Variants in ZNF583 observed in about 807,000 individuals in gnomAD.
The protein encoded by ZNF583 is zinc finger protein L3-5.
ZNF583 carries 30 observed loss-of-function variants against 55.3 expected under a neutral mutation model. The observed-to-expected ratio is 0.54, with a 90% CI of 0.41 to 0.74. ZNF583 has a LOEUF of 0.74. ZNF583 is among the 30% of genes least tolerant of loss of function. The pLI, the probability that ZNF583 is intolerant of heterozygous loss-of-function variation, is 0.00. For missense variants in ZNF583, 504 were observed against 664.7 expected, an observed-to-expected ratio of 0.76 and a Z score of 2.66; for synonymous variants, 208 against 220.0, an observed-to-expected ratio of 0.95 and a Z score of 0.48.
intron 4 of ZNF583, among the ~76,000 whole-genome samples, chr19:56,416,341 A>C (rs1186809488): frequency 6.6e-6 from 1 of 151,658 alleles, no homozygotes; most frequent in Non-Finnish European, 1.5e-5. Context: ...AAAAAAAAAA[A>C]AGAATACATT....
chr19:56,423,341 C>T lies in ZNF583; in HGVS notation c.683C>T (p.Thr228Ile). The T allele has an allele frequency of 6.2e-7, 1 of 1,613,956 alleles. No homozygotes were observed. Among genetic ancestry groups the T allele is most frequent in the Non-Finnish European group, 8.5e-7 (1 of 1,179,968 alleles). Residue 228 changes from threonine to isoleucine, a missense_variant, in exon 5 of 5, where the codon ACT (threonine) becomes ATT (isoleucine). Transcript: ENST00000333201. The stretch of plus-strand genomic sequence containing the variant: ...GTCTTCAACCAGAGCTCATCCCTTA[C>T]TCTTCATCAGAGAATTCATACTGGA... The part of the protein sequence containing the change: ...EKVFNQSSSL[T>I]LHQRIHTGEK...
chr19:56,421,263 T>C (rs547240110), intron 4 of ZNF583, among the ~76,000 whole-genome samples: 317 of 152,372 alleles, frequency 2.1e-3, no homozygotes, highest in African/African-American at 6.2e-3. Flanking sequence ...TTATAATATC[T>C]ATCCTTAACT....
intron 4 of ZNF583, among the ~76,000 whole-genome samples, chr19:56,418,478 T>C (rs1167397095): frequency 1.3e-5 from 2 of 152,224 alleles, no homozygotes; most frequent in Non-Finnish European, 2.9e-5. Flanking sequence ...AGTGGTACTC[T>C]GTTAAATTTT....
At chr19:56,417,774 A>G (rs567201011) in intron 4 of ZNF583, among the ~76,000 whole-genome samples, 5 of 152,286 alleles carry the variant, frequency 3.3e-5, no homozygotes, top group South Asian at 2.1e-4. Flanking sequence ...AGGTTTTAGC[A>G]TTTATATTTA....
intron 4 of ZNF583, chr19:56,421,496 A>C (rs2042415478): frequency 1.0e-6 from 1 of 985,280 alleles, no homozygotes; most frequent in African/African-American, 1.7e-5. Flanking sequence ...GCACTGAGGC[A>C]GCACAGCGGA....
chr19:56,413,859 A>G, intron 2 of ZNF583, 100 bp from the exon 3 acceptor site: 2 of 1,537,626 alleles, frequency 1.3e-6, no homozygotes, highest in Non-Finnish European at 1.8e-6. Flanking sequence ...TGCTATGTGC[A>G]ATATTTTTCT....
intron 4 of ZNF583, among the ~76,000 whole-genome samples, chr19:56,419,691 C>G (rs1693550238): frequency 6.6e-6 from 1 of 152,142 alleles, no homozygotes; most frequent in Non-Finnish European, 1.5e-5. Flanking sequence ...TACATAACAG[C>G]TTTAATGGAT....
intron 2 of ZNF583, among the ~76,000 whole-genome samples, chr19:56,409,211 C>A (rs911577822): frequency 1.3e-5 from 2 of 152,090 alleles, no homozygotes; most frequent in African/African-American, 4.8e-5. Flanking sequence ...AGAGGAGGAA[C>A]TTTGTTTTGT....
intron 3 of ZNF583, 53 bp downstream of exon 3, chr19:56,414,138 G>A (rs2042280721): frequency 1.3e-6 from 2 of 1,552,448 alleles, no homozygotes; most frequent in South Asian, 1.3e-5. Context: ...GAGCTCCAAT[G>A]TAATATTTGG....
At chr19:56,407,234 C>A in intron 2 of ZNF583, 111 bp downstream of exon 2, 1 of 1,222,846 alleles carries the variant, frequency 8.2e-7, no homozygotes, top group Non-Finnish European at 1.2e-6. Flanking sequence ...TCCATTCATC[C>A]AGTGACTCGT....
chr19:56,420,142 T>C (rs73934908), intron 4 of ZNF583, among the ~76,000 whole-genome samples: 2,293 of 152,318 alleles, frequency 0.015, 66 homozygotes, highest in African/African-American at 0.053. Flanking sequence ...ACTGTCATTA[T>C]CAACCAAGAT....
Position 56,407,204 on chromosome 19 carries a change from ATT to A in ZNF583, c.9+82_9+83del. The A allele has an allele frequency of 6.5e-6, 10 of 1,536,358 alleles. No individual in the cohort carries two copies. In the South Asian group the frequency reaches 1.1e-4, roughly 17 times the overall value. ...ACGAACATTTTGTTTTTCTTCCAAA[ATT>A]CTGCAACCTAATAAGGTTCCATTCA... On this transcript the variant is annotated intron_variant, in intron 2 of 4. Coordinates refer to ENST00000333201, the MANE Select transcript of ZNF583 (RefSeq NM_152478.3).
chr19:56,414,739 T>C (rs2042291789), intron 4 of ZNF583: 1 of 217,244 alleles, frequency 4.6e-6, no homozygotes, highest in Non-Finnish European at 9.1e-6. Context: ...ACAAGTTGCT[T>C]GGTTTCATTT....
chr19:56,418,576 A>G (rs2042364823), intron 4 of ZNF583, among the ~76,000 whole-genome samples: 1 of 152,208 alleles, frequency 6.6e-6, no homozygotes, highest in Admixed American at 6.5e-5. Context: ...TGCCACTAGT[A>G]GGCAGAAATG....
intron 4 of ZNF583, among the ~76,000 whole-genome samples, chr19:56,417,210 T>G (rs1053814201): frequency 4.6e-5 from 7 of 152,162 alleles, no homozygotes; most frequent in African/African-American, 1.7e-4. Context: ...GGGTAAATAC[T>G]TAAGATGGAA....
intron 2 of ZNF583, among the ~76,000 whole-genome samples, chr19:56,412,896 TTCAGATAC>T (rs758060969): frequency 3.2e-4 from 49 of 152,200 alleles, no homozygotes; most frequent in Admixed American, 1.0e-3. Context: ...CTTGTTTTGA[TTCAGATAC>T]CTTTTTGTTT....
chr19:56,418,459 A>G (rs907693519), intron 4 of ZNF583, among the ~76,000 whole-genome samples: 20 of 152,340 alleles, frequency 1.3e-4, no homozygotes, highest in Admixed American at 1.3e-3. Context: ...ATTTTGCAGT[A>G]TCCAGTGTAG....
intron 4 of ZNF583, among the ~76,000 whole-genome samples, chr19:56,419,414 C>G (rs562890510): frequency 2.0e-5 from 3 of 152,170 alleles, no homozygotes; most frequent in South Asian, 4.2e-4. Flanking sequence ...CCAGGATGGT[C>G]TCGATTCTTG....
chr19:56,420,653 G>A (rs984159580), intron 4 of ZNF583, among the ~76,000 whole-genome samples: 4 of 151,964 alleles, frequency 2.6e-5, no homozygotes, highest in South Asian at 4.2e-4. Flanking sequence ...ATTACTATAC[G>A]TCTCTATCTT....
Sources: allele counts gnomAD v4.1 joint callset (sites outside exome capture counted in the v4.1 genomes callset), GRCh38; gene constraint gnomAD v4.1.1; transcripts MANE v1.5; gene names NCBI Gene and HGNC (gene_info 2026-07-23, HGNC 2026-07-21).